KIF6: variants seen among roughly 807,000 people sequenced by gnomAD.
KIF6 encodes kinesin family member 6, also known as kinesin-like protein KIF6.
KIF6 carries 106 observed loss-of-function variants against 112.7 expected under a neutral mutation model. The ratio of observed to expected loss-of-function variants is 0.94; its 90% CI spans 0.80 to 1.11. KIF6 has a LOEUF of 1.11. KIF6 is among the 50% of genes least tolerant of loss of function. The probability of loss-of-function intolerance (pLI) is 0.00; values close to 1 mark genes in which losing one functional copy is unlikely to be tolerated. For synonymous variants in KIF6, 339 were observed against 339.9 expected (o/e 1.00, Z 0.03); for missense variants, 929 against 964.0 (o/e 0.96, Z 0.48).
At chr6:39,581,925 C>A (rs1470213447) in intron 9 of KIF6, among the ~76,000 whole-genome samples, 2 of 152,134 alleles carry the variant, frequency 1.3e-5, no homozygotes, top group East Asian at 3.9e-4. Flanking sequence ...TGGGCCATAT[C>A]AACAGGACCA....
chr6:39,677,736 T>C (rs946905791), intron 3 of KIF6, among the ~76,000 whole-genome samples: 8 of 118,872 alleles, frequency 6.7e-5, no homozygotes, highest in South Asian at 6.2e-4. Context: ...CCTGTGTCCA[T>C]GTGATCTCAT....
At chr6:39,679,551 T>G (rs1290478912) in intron 3 of KIF6, among the ~76,000 whole-genome samples, 1 of 152,118 alleles carries the variant, frequency 6.6e-6, no homozygotes, top group Admixed American at 6.6e-5. Context: ...TCCATGTTTC[T>G]GAATTGGAGA....
At chr6:39,496,183 C>T (rs1159004137) in intron 13 of KIF6, among the ~76,000 whole-genome samples, 1 of 152,116 alleles carries the variant, frequency 6.6e-6, no homozygotes, top group African/African-American at 2.4e-5. Flanking sequence ...GGCTCCAGTG[C>T]CCACTATCTA....
At chr6:39,404,031 T>G (rs1768903369) in intron 15 of KIF6, among the ~76,000 whole-genome samples, 1 of 152,052 alleles carries the variant, frequency 6.6e-6, no homozygotes, top group African/African-American at 2.4e-5. Flanking sequence ...TGTTGAATTT[T>G]GAGAGTTAAT....
At chr6:39,457,927 A>G (rs961460341) in intron 13 of KIF6, among the ~76,000 whole-genome samples, 3 of 150,454 alleles carry the variant, frequency 2.0e-5, no homozygotes, top group African/African-American at 7.4e-5. Flanking sequence ...TTCACAGCCG[A>G]ATTCTACCAG....
chr6:39,432,929 C>G (rs746161213), intron 13 of KIF6, among the ~76,000 whole-genome samples: 19 of 152,038 alleles, frequency 1.2e-4, no homozygotes, highest in South Asian at 2.1e-4. Flanking sequence ...TGCTCCCCCC[C>G]GCAGGGGAGC....
intron 4 of KIF6, among the ~76,000 whole-genome samples, chr6:39,638,170 T>C (rs1784723940): frequency 6.6e-6 from 1 of 152,104 alleles, no homozygotes. Context: ...TATTACTGGC[T>C]GTGATCATAA....
At chr6:39,512,480 C>T (rs1209446674) in intron 13 of KIF6, among the ~76,000 whole-genome samples, 2 of 152,196 alleles carry the variant, frequency 1.3e-5, no homozygotes, top group Admixed American at 6.5e-5. Context: ...GTAGGCTGCA[C>T]ATCATAGCCT....
intron 13 of KIF6, among the ~76,000 whole-genome samples, chr6:39,528,973 G>A (rs896044430): frequency 8.5e-5 from 13 of 152,216 alleles, no homozygotes; most frequent in South Asian, 2.1e-4. Context: ...TAGACTCATC[G>A]ACCAATGGAA....
intron 15 of KIF6, among the ~76,000 whole-genome samples, chr6:39,417,470 T>G (rs1444092441): frequency 6.6e-6 from 1 of 152,236 alleles, no homozygotes. Context: ...CTTGTTATTT[T>G]CTGGATAAAA....
chr6:39,372,757 C>G (rs1267425946), intron 16 of KIF6, among the ~76,000 whole-genome samples: 2 of 152,208 alleles, frequency 1.3e-5, no homozygotes, highest in African/African-American at 2.4e-5. Context: ...TTCTCCTGGG[C>G]AGGCTCCTGG....
chr6:39,694,064 C>T (rs1312702518), intron 3 of KIF6, among the ~76,000 whole-genome samples: 1 of 151,532 alleles, frequency 6.6e-6, no homozygotes, highest in Non-Finnish European at 1.5e-5. Context: ...AAACAAAAAC[C>T]ATATGATCAT....
At chr6:39,404,261 A>C (rs1034620023) in intron 15 of KIF6, among the ~76,000 whole-genome samples, 1 of 152,128 alleles carries the variant, frequency 6.6e-6, no homozygotes, top group Admixed American at 6.5e-5. Flanking sequence ...AGACATGAAG[A>C]GTTTCTCATA....
At chr6:39,688,361 C>T (rs543562060) in intron 3 of KIF6, among the ~76,000 whole-genome samples, 104 of 152,214 alleles carry the variant, frequency 6.8e-4, no homozygotes, top group Non-Finnish European at 1.2e-3. Context: ...CCCACTCAAG[C>T]ACTTCACTGT....
intron 9 of KIF6, among the ~76,000 whole-genome samples, chr6:39,581,546 G>T (rs532128768): frequency 3.9e-5 from 6 of 152,262 alleles, no homozygotes; most frequent in African/African-American, 1.4e-4. Flanking sequence ...ATGAGGTAGA[G>T]CTAGGGTTTC....
intron 6 of KIF6, among the ~76,000 whole-genome samples, chr6:39,603,297 C>T (rs531874038): frequency 7.9e-5 from 12 of 152,226 alleles, no homozygotes; most frequent in African/African-American, 2.4e-4. Context: ...GTTGATGCTG[C>T]TTTGTTAGGA....
Position 39,343,679 on chromosome 6 carries a change from A to C in KIF6, c.2428+30T>G, listed in dbSNP as rs1397949222. On this transcript the variant is annotated intron_variant, in intron 22 of 22. Transcript: ENST00000287152. This position sits in a 1 kb window ranked among gnomAD's most constrained non-coding sequence, Gnocchi z 4.1. ...CACAAGTGTTGGTGACCTGCTGCCC[A>C]GGAGGAGCCACCGAGGGAGGTGCAC... 6.5e-7 allele frequency: 1 copy of C among 1,530,428 alleles called. No homozygotes were observed. Among genetic ancestry groups the C allele is most frequent in the East Asian group, 2.3e-5 (1 of 44,388 alleles). 94.8% of individuals were successfully genotyped at this position (1,530,428 alleles called of 1,614,324 possible).
intron 3 of KIF6, among the ~76,000 whole-genome samples, chr6:39,700,804 C>G (rs1229183330): frequency 2.6e-5 from 4 of 151,994 alleles, no homozygotes; most frequent in Non-Finnish European, 5.9e-5. Context: ...ACCTCTGCCT[C>G]CCAGTTCAAG....
chr6:39,614,824 C>T (rs1039668243), intron 5 of KIF6, among the ~76,000 whole-genome samples: 4 of 152,088 alleles, frequency 2.6e-5, no homozygotes, highest in African/African-American at 9.7e-5. Flanking sequence ...TAAAAACTCC[C>T]TTTATTCCTT....
Sources: allele counts gnomAD v4.1 joint callset (sites outside exome capture counted in the v4.1 genomes callset), GRCh38; gene constraint gnomAD v4.1.1; non-coding constraint Gnocchi (gnomAD v3.1); transcripts MANE v1.5; gene names NCBI Gene and HGNC (gene_info 2026-07-23, HGNC 2026-07-21).